The following SMYD1 variants were observed in gnomAD, a reference collection of about 807,000 sequenced individuals.
SMYD1 encodes the protein SET and MYND domain containing 1.
In SMYD1, 49 loss-of-function variants were observed where a neutral mutation model predicts 54.0. The ratio of observed to expected loss-of-function variants is 0.91; its 90% CI spans 0.72 to 1.15. The LOEUF (loss-of-function observed/expected upper bound fraction) is 1.15. SMYD1 is among the 50% of genes most tolerant of loss of function. SMYD1 has a pLI of 0.00. For missense variants in SMYD1, 653 were observed against 639.6 expected (o/e 1.02, Z -0.23); for synonymous variants, 269 against 234.2 (o/e 1.15, Z -1.36).
chr2:88,104,183 G>T (rs1189707892), intron 7 of SMYD1, among the ~76,000 whole-genome samples: 1 of 152,078 alleles, frequency 6.6e-6, no homozygotes, highest in Non-Finnish European at 1.5e-5. Flanking sequence ...AGCCAGGATG[G>T]TCTCGATTTC....
chr2:88,108,179 A>G (rs986390935), intron 8 of SMYD1, among the ~76,000 whole-genome samples, 192 bp from the exon 9 acceptor site: 7 of 152,134 alleles, frequency 4.6e-5, no homozygotes, highest in African/African-American at 1.7e-4. Context: ...TCACAGCCTC[A>G]CTGTGTAGAA....
chr2:88,074,557 G>A (rs771044116), intron 1 of SMYD1, among the ~76,000 whole-genome samples: 4 of 152,092 alleles, frequency 2.6e-5, no homozygotes, highest in Non-Finnish European at 4.4e-5. Context: ...AATTTTTGGG[G>A]GGCTATTATT....
chr2:88,080,139 A>G (rs2103983873), intron 1 of SMYD1, among the ~76,000 whole-genome samples: 1 of 152,324 alleles, frequency 6.6e-6, no homozygotes, highest in African/African-American at 2.4e-5. Flanking sequence ...TGTGTTGGCC[A>G]CAGTCTATGT....
At chr2:88,087,039 A>T (rs59104714) in intron 2 of SMYD1, among the ~76,000 whole-genome samples, 1 of 109,182 alleles carries the variant, frequency 9.2e-6, no homozygotes, top group South Asian at 3.9e-4. Context: ...TTTACTTTGC[A>T]AAAAAATAAA....
intron 1 of SMYD1, among the ~76,000 whole-genome samples, chr2:88,072,190 AG>A (rs1673963279): frequency 6.6e-6 from 1 of 152,178 alleles, no homozygotes; most frequent in South Asian, 2.1e-4. Context: ...TTGCTCTGTC[AG>A]CCAGGCTGGA....
chr2:88,094,247 T>G (rs937222949), intron 5 of SMYD1, among the ~76,000 whole-genome samples: 40 of 152,202 alleles, frequency 2.6e-4, no homozygotes, highest in African/African-American at 9.4e-4. Context: ...TTTGGATGAT[T>G]CACATCATCT....
At chr2:88,072,877 G>A (rs1042767035) in intron 1 of SMYD1, among the ~76,000 whole-genome samples, 8 of 151,992 alleles carry the variant, frequency 5.3e-5, no homozygotes, top group Non-Finnish European at 1.0e-4. Flanking sequence ...TTGTTGACTT[G>A]TATATTAATT....
intron 1 of SMYD1, among the ~76,000 whole-genome samples, chr2:88,081,631 T>C (rs1674197977): frequency 6.6e-6 from 1 of 152,064 alleles, no homozygotes; most frequent in Non-Finnish European, 1.5e-5. Context: ...AGACAGGGTT[T>C]TACCATGTTG....
intron 2 of SMYD1, among the ~76,000 whole-genome samples, chr2:88,087,524 G>A (rs1674358869): frequency 6.6e-6 from 1 of 152,092 alleles, no homozygotes; most frequent in Non-Finnish European, 1.5e-5. Context: ...TCTTTCTCCA[G>A]TATCACAGAG....
chr2:88,093,635 C>T (rs567502444), intron 5 of SMYD1, 80 bp downstream of exon 5: 31 of 1,508,190 alleles, frequency 2.1e-5, no homozygotes, highest in Admixed American at 8.4e-5. Flanking sequence ...CACCCATTCC[C>T]GAGACTTCTT....
chr2:88,084,600 G>A, intron 2 of SMYD1, 108 bp downstream of exon 2: 1 of 1,064,778 alleles, frequency 9.4e-7, no homozygotes, highest in Non-Finnish European at 1.3e-6. Context: ...GTGCAAGTCA[G>A]GAAACAGCCT....
chr2:88,077,374 T>C (rs900475024), intron 1 of SMYD1, among the ~76,000 whole-genome samples: 2 of 152,208 alleles, frequency 1.3e-5, no homozygotes, highest in African/African-American at 2.4e-5. Flanking sequence ...CCGCCCGCCT[T>C]CTGTGCTGGG....
chr2:88,067,922 G>A lies in SMYD1; in HGVS notation c.58G>A (p.Gly20Ser). 1 of 1,614,050 alleles carries A rather than the reference G, an allele frequency of 6.2e-7. No homozygotes were observed. The highest frequency in any genetic ancestry group is 8.5e-7 in the Non-Finnish European group (1 of 1,180,036). ...CTTCACCGCTGAGGGCAAAGGAAGG[G>A]GTCTGAAGGCCACCAAGGAGTTCTG... ...EVFTAEGKGR[G>S]LKATKEFWAA... The change falls in exon 1 of 10, where the codon GGT becomes AGT. Residue 20 changes from glycine (G) to serine (S), a missense_variant. Coordinates refer to ENST00000419482, the MANE Select transcript of SMYD1 (RefSeq NM_198274.4).
chr2:88,091,188 A>G, intron 4 of SMYD1, 46 bp downstream of exon 4: 1 of 1,578,314 alleles, frequency 6.3e-7, no homozygotes, highest in Non-Finnish European at 8.6e-7. Flanking sequence ...GGATGGGGAG[A>G]CCTATGGTGT....
At position 88,081,340 on chromosome 2, in the gene SMYD1, G is replaced by A. The variant is rs142517848; in HGVS notation, c.138-2976G>A. Among the ~76,000 whole-genome samples the A allele has an allele frequency of 6.6e-5, 10 of 152,240 alleles. No individual in the cohort carries two copies. In the East Asian group the frequency reaches 1.9e-3, roughly 29 times the overall value. ...AAAGATGTCTAGAAAATGCAATTCT[G>A]TCTAGACAAACAGAGTGGAAACTCT... On this transcript the variant is annotated intron_variant, in intron 1 of 9. Coordinates refer to ENST00000419482, the MANE Select transcript of SMYD1 (RefSeq NM_198274.4).
intron 5 of SMYD1, among the ~76,000 whole-genome samples, chr2:88,093,827 T>C (rs1674516150): frequency 6.6e-6 from 1 of 152,200 alleles, no homozygotes; most frequent in African/African-American, 2.4e-5. Flanking sequence ...GCATGAACCC[T>C]TGTAGTCCAC....
At chr2:88,069,926 A>G (rs1673909454) in intron 1 of SMYD1, among the ~76,000 whole-genome samples, 1 of 152,176 alleles carries the variant, frequency 6.6e-6, no homozygotes, top group Non-Finnish European at 1.5e-5. Flanking sequence ...ATGACTGGCC[A>G]TTTGGATTGT....
intron 5 of SMYD1, among the ~76,000 whole-genome samples, chr2:88,095,484 G>A (rs994502040): frequency 3.9e-5 from 6 of 152,330 alleles, no homozygotes; most frequent in African/African-American, 1.4e-4. Flanking sequence ...CAGGGAAGGG[G>A]CTGCCTTTGA....
chr2:88,083,344 C>G (rs567192255), intron 1 of SMYD1: 2 of 152,190 alleles, frequency 1.3e-5, no homozygotes, highest in East Asian at 3.9e-4. Context: ...CCTATGGAGC[C>G]TATGCCCTTT....
Sources: gnomAD v4.1 joint callset for allele counts (sites outside exome capture counted in the v4.1 genomes callset) on GRCh38, gnomAD v4.1.1 for gene constraint, MANE v1.5 for transcripts, NCBI Gene and HGNC (gene_info 2026-07-23, HGNC 2026-07-21) for gene names.